PI16: variants seen among roughly 807,000 people sequenced by gnomAD.
The protein encoded by PI16 is peptidase inhibitor 16, also known as PSP94-binding protein.
A neutral mutation model predicts 38.0 loss-of-function variants in PI16; 35 were observed. The ratio of observed to expected loss-of-function variants is 0.92; its 90% CI spans 0.70 to 1.22. The LOEUF (loss-of-function observed/expected upper bound fraction) is 1.22. Among genes scored for constraint, PI16 ranks in the 50% most tolerant of loss-of-function variants. PI16 has a pLI of 0.00. For missense variants in PI16, 572 were observed against 593.8 expected (o/e 0.96, Z 0.38); for synonymous variants, 275 against 252.9 (o/e 1.09, Z -0.83).
Position 36,963,510 on chromosome 6 carries a change from A to C in PI16, c.1168A>C (p.Thr390Pro), listed in dbSNP as rs182041718. ...PGELQATLDH[T>P]GHTSSKSLPN... Reference sequence around the variant, plus strand: ...TGAGCTGCAGGCCACACTGGACCACACGGGGCACACCTCCTCCAAGTCCCT... The same window carrying C: ...TGAGCTGCAGGCCACACTGGACCACCCGGGGCACACCTCCTCCAAGTCCCT... The change falls in exon 5 of 7, where the codon ACG becomes CCG. Residue 390 changes from threonine to proline, a missense_variant. Physicochemically the swap from Thr to Pro is conservative, Grantham distance 38 (BLOSUM62 -1). Transcript: ENST00000373674. 2.0e-5 allele frequency: 32 copies of C among 1,614,138 alleles called. No homozygotes were observed. In the African/African-American group the frequency reaches 3.5e-4, roughly 17 times the overall value.
At position 36,962,608 on chromosome 6, in the gene PI16, G is replaced by A. The variant is rs1230080455; in HGVS notation, c.593-327G>A. Among the ~76,000 whole-genome samples, 2 of 152,032 alleles carry A rather than the reference G, an allele frequency of 1.3e-5. No individual in the cohort carries two copies. The highest frequency in any genetic ancestry group is 2.9e-5 in the Non-Finnish European group (2 of 68,010). On this transcript the variant is annotated intron_variant, in intron 4 of 6. Transcript: ENST00000373674. This position sits in a 1 kb window ranked among gnomAD's most constrained non-coding sequence, Gnocchi z 4.1. ...CCTGCCTCAGCCTTCCGAGTAGCTG[G>A]GACTACAGGCACGCGCCACCACGCC...
In PI16 at chr6:36,964,722, G is replaced by A. The variant is rs1763468866; in HGVS notation, c.*355G>A. ...GTGTAGCTGGGGATGGGGATTCCTA[G>A]GGGCAGATGAAGGACAAGCCCCACT... is the stretch of plus-strand genomic sequence containing the variant. On this transcript the variant is annotated 3_prime_UTR_variant, in exon 7 of 7. Coordinates refer to ENST00000373674, the MANE Select transcript of PI16 (RefSeq NM_153370.3). 1 of 152,278 alleles carries A rather than the reference G, an allele frequency of 6.6e-6. No homozygotes were observed. The highest frequency in any genetic ancestry group is 6.5e-5 in the Admixed American group (1 of 15,286). The allele number at this position is 152,278 out of a possible 1,614,324, so 9.4% of individuals were successfully genotyped here.
intron 1 of PI16, among the ~76,000 whole-genome samples, chr6:36,949,411 C>T (rs777658166): frequency 1.4e-4 from 22 of 152,248 alleles, no homozygotes; most frequent in Admixed American, 5.2e-4. Context: ...CTTGAGCCAC[C>T]GCGCCCGGTC....
chr6:36,963,868 CG>C lies in PI16; in HGVS notation c.1319del (p.Gly440AlafsTer56). The C allele has an allele frequency of 6.2e-7, 1 of 1,613,504 alleles. No homozygotes were observed. The highest frequency in any genetic ancestry group is 1.7e-5 in the Admixed American group (1 of 59,904). On this transcript the variant is annotated frameshift_variant, in exon 6 of 7. Coordinates refer to ENST00000373674, the MANE Select transcript of PI16 (RefSeq NM_153370.3). LOFTEE classifies it high-confidence loss of function. ...CCTAGCGTCGTGTCAGGGCTGAACT[CG>C]GGCCCTGGTCATGTGTGGGGCCCTC... ...DKPSVVSGLN[S>X]GPGHVWGPLL...
chr6:36,949,748 A>T (rs1422579179), upstream of PI16, among the ~76,000 whole-genome samples: 1 of 152,014 alleles, frequency 6.6e-6, no homozygotes, highest in Non-Finnish European at 1.5e-5. Flanking sequence ...AAATACAGTT[A>T]TTTGAAGTCT....
chr6:36,954,782 CTGA>C lies in PI16; in HGVS notation c.25_27del (p.Met9del). 6.2e-7 allele frequency: 1 copy of C among 1,613,632 alleles called. No homozygotes were observed. Among genetic ancestry groups the C allele is most frequent in the South Asian group, 1.1e-5 (1 of 91,062 alleles). Reference sequence around the variant, plus strand: ...CACCATGCACGGCTCCTGCAGTTTCCTGATGCTTCTGCTGCCGCTACTGCTACT... The same window carrying C: ...CACCATGCACGGCTCCTGCAGTTTCCTGCTTCTGCTGCCGCTACTGCTACT... On this transcript the variant is annotated inframe_deletion, in exon 1 of 7. Coordinates refer to ENST00000373674, the MANE Select transcript of PI16 (RefSeq NM_153370.3).
At chr6:36,958,402 C>T (rs901687242) in intron 1 of PI16, among the ~76,000 whole-genome samples, 5 of 152,206 alleles carry the variant, frequency 3.3e-5, no homozygotes, top group African/African-American at 1.2e-4. Flanking sequence ...TAAAATTCCC[C>T]CTCTCACCAT....
chr6:36,961,017 A>G (rs971308043), intron 2 of PI16, among the ~76,000 whole-genome samples: 1 of 152,292 alleles, frequency 6.6e-6, no homozygotes, highest in East Asian at 1.9e-4. Context: ...CACTTCCAAA[A>G]TGGCTCCTCC....
chr6:36,964,018 A>C, intron 6 of PI16, 56 bp downstream of exon 6: 1 of 1,533,838 alleles, frequency 6.5e-7, no homozygotes, highest in Non-Finnish European at 8.8e-7. Flanking sequence ...GTCTTCCTCC[A>C]AGTGAGAGAC....
At position 36,959,119 on chromosome 6, in the gene PI16, C is replaced by T. The variant is rs1268352510; in HGVS notation, c.172-26C>T. The stretch of plus-strand genomic sequence containing the variant: ...CCCACAGCATCTGTGGGCATCCTCA[C>T]CTCCCTTCTCTCACCTGCCCTGCAG... On this transcript the variant is annotated intron_variant, in intron 1 of 6. Transcript: ENST00000373674. 4 of 1,584,140 alleles carry T rather than the reference C, an allele frequency of 2.5e-6. No individual in the cohort carries two copies. In the South Asian group the frequency reaches 4.6e-5, roughly 18 times the overall value.
intron 3 of PI16, 127 bp from the exon 4 acceptor site, chr6:36,961,759 C>G (rs1763371493): frequency 6.2e-6 from 6 of 967,344 alleles, no homozygotes; most frequent in Non-Finnish European, 9.8e-6. Context: ...CAAGTTCGCC[C>G]AGCAAGTCAG....
At chr6:36,958,182 G>A (rs1056647840) in intron 1 of PI16, among the ~76,000 whole-genome samples, 4 of 152,230 alleles carry the variant, frequency 2.6e-5, no homozygotes, top group Non-Finnish European at 5.9e-5. Context: ...TTTATGGGCT[G>A]TCTGGCTCCC....
rs758193789 is a variant in PI16, at chr6:36,963,313, A to G, written c.971A>G (p.Asp324Gly). ...PIPKSADKVT[D>G]KTKVPSRSPE... The stretch of plus-strand genomic sequence containing the variant: ...CCAAAATCAGCAGACAAAGTGACAG[A>G]CAAAACAAAAGTGCCCTCTAGGAGC... Residue 324 changes from aspartate (D) to glycine (G), a missense_variant, in exon 5 of 7, where the codon GAC becomes GGC. Physicochemically the swap from Asp to Gly is moderately conservative, Grantham distance 94. Transcript: ENST00000373674. The G allele has an allele frequency of 2.5e-6, 4 of 1,614,238 alleles. No homozygotes were observed. Among genetic ancestry groups the G allele is most frequent in the Non-Finnish European group, 3.4e-6 (4 of 1,180,040 alleles).
upstream of PI16, among the ~76,000 whole-genome samples, chr6:36,950,593 G>T (rs1473407958): frequency 6.6e-6 from 1 of 151,444 alleles, no homozygotes; most frequent in Admixed American, 6.6e-5. The surrounding 1 kb of genome is among the most constrained non-coding windows in gnomAD (Gnocchi z 4.2). Context: ...GCCCAGGCTG[G>T]AGAGCAATGG....
upstream of PI16, among the ~76,000 whole-genome samples, chr6:36,952,811 G>T (rs1197584765): frequency 6.6e-6 from 1 of 152,090 alleles, no homozygotes; most frequent in African/African-American, 2.4e-5. Context: ...ATTTTAGGAT[G>T]GATTTTTCTG....
At position 36,962,253 on chromosome 6, in the gene PI16, T is replaced by C. The variant is rs1150786; in HGVS notation, c.592+279T>C. Among the ~76,000 whole-genome samples the C allele has an allele frequency of 0.63, 95,757 of 151,980 alleles. 30,622 individuals carry two copies. The highest frequency in any genetic ancestry group is 0.72 in the Admixed American group (11,003 of 15,278). ...CCGCGCGAGGTGGGTGTCGCCACAC[T>C]TTAGGGTCTCGAGGAGCGGGCTGGG... On this transcript the variant is annotated intron_variant, in intron 4 of 6. Transcript: ENST00000373674. The surrounding 1 kb of genome is among the most constrained non-coding windows in gnomAD (Gnocchi z 4.1).
chr6:36,963,707 C>G, intron 5 of PI16, 95 bp downstream of exon 5: 1 of 1,545,096 alleles, frequency 6.5e-7, no homozygotes, highest in Non-Finnish European at 8.8e-7. Context: ...GGGGCATGCA[C>G]CCTCTGAGTA....
intron 2 of PI16, 103 bp downstream of exon 2, chr6:36,959,469 C>A: frequency 8.5e-7 from 1 of 1,183,088 alleles, no homozygotes; most frequent in Admixed American, 2.7e-5. Flanking sequence ...TCCTAAGCGT[C>A]CTCGCTGCAA....
chr6:36,948,495 C>T (rs1222041771), intron 1 of PI16: 2 of 152,326 alleles, frequency 1.3e-5, no homozygotes, highest in East Asian at 3.9e-4. Flanking sequence ...GAAAGGGTCT[C>T]ACTTTGTTGC....
Sources: gnomAD v4.1 joint callset for allele counts (sites outside exome capture counted in the v4.1 genomes callset) on GRCh38, gnomAD v4.1.1 for gene constraint, Gnocchi (gnomAD v3.1) non-coding constraint, MANE v1.5 for transcripts, NCBI Gene and HGNC (gene_info 2026-07-23, HGNC 2026-07-21) for gene names.